The following FASN variants were observed in gnomAD, a reference collection of about 807,000 sequenced individuals.
FASN encodes fatty acid synthase.
FASN carries 50 observed loss-of-function variants against 250.0 expected under a neutral mutation model. The observed-to-expected ratio is 0.20, with a 90% CI of 0.16 to 0.25. FASN has a LOEUF of 0.25. Ranked by LOEUF, FASN falls within the 10% of genes least tolerant of loss-of-function variation. The pLI, the probability that FASN is intolerant of heterozygous loss-of-function variation, is 1.00. For synonymous variants in FASN, 1,909 were observed against 1,584.0 expected (o/e 1.21, Z -4.87); for missense variants, 3,031 against 3,498.5 (o/e 0.87, Z 3.37).
chr17:82,092,706 T>G lies in FASN; in HGVS notation c.885A>C (p.Thr295=). 6.3e-7 allele frequency: 1 copy of G among 1,593,172 alleles called. No individual in the cohort carries two copies. ...ESFEYIEAHG[T]GTKVGDPQEL... ...GGGGGGGGGGCATCACCTTGGTGCC[T>G]GTGCCGTGGGCTTCGATGTATTCAA... Residue 295 remains threonine, a synonymous_variant, in exon 7 of 43, where the codon ACA becomes ACC. Transcript: ENST00000306749.
chr17:82,095,185 C>T, intron 3 of FASN, 135 bp downstream of exon 3: 1 of 1,127,052 alleles, frequency 8.9e-7, no homozygotes, highest in South Asian at 1.2e-5. Context: ...AGCCCGTTGG[C>T]CAGGCCAGGG....
In FASN at chr17:82,095,486, G is replaced by A. The variant is rs199663056; in HGVS notation, c.128-14C>T. 32 of 1,611,074 alleles carry A rather than the reference G, an allele frequency of 2.0e-5. No homozygotes were observed. Among genetic ancestry groups the A allele is most frequent in the South Asian group, 4.4e-5 (4 of 91,008 alleles). ...GGCCGTAGAGCCCTGTGGGACAGGC[G>A]GGTGTTTAAATCTCTGACGGAAGCT... is the stretch of plus-strand genomic sequence containing the variant. On this transcript the variant is annotated splice_polypyrimidine_tract_variant and intron_variant, in intron 2 of 42. Transcript: ENST00000306749.
Position 82,080,942 on chromosome 17 carries a change from T to C in FASN, c.6596-20A>G, listed in dbSNP as rs374109677. 9 of 1,585,494 alleles carry C rather than the reference T, an allele frequency of 5.7e-6. No individual in the cohort carries two copies. The highest frequency in any genetic ancestry group is 6.9e-6 in the Non-Finnish European group (8 of 1,165,666). On this transcript the variant is annotated intron_variant, in intron 38 of 42. Transcript: ENST00000306749. ...CCAGCTCTGTGAAGACAGGGGCAGATGCCAGGCTGGTCTGGGTGCAGAGCC... is the reference window on the plus strand; with the variant it reads ...CCAGCTCTGTGAAGACAGGGGCAGACGCCAGGCTGGTCTGGGTGCAGAGCC...
In FASN at chr17:82,098,148, G is replaced by A; in HGVS notation, c.-35C>T. On this transcript the variant is annotated 5_prime_UTR_variant, in exon 1 of 43. Coordinates refer to ENST00000306749, the MANE Select transcript of FASN (RefSeq NM_004104.5). ...GGTGAGGGCGCGGGCGGCGGTGCGG[G>A]CGGCGGAGAGCGAGGCTGGAGCGCG... is the stretch of plus-strand genomic sequence containing the variant. The A allele has an allele frequency of 2.8e-6, 1 of 354,324 alleles. No homozygotes were observed. Among genetic ancestry groups the A allele is most frequent in the Non-Finnish European group, 5.1e-6 (1 of 197,362 alleles). The allele number at this position is 354,324 out of a possible 1,614,324, so 21.9% of individuals were successfully genotyped here. A position where few individuals can be genotyped will look rare whatever the true frequency, so the allele number is the denominator to read the frequency against.
Position 82,092,461 on chromosome 17 carries a change from C to A in FASN, c.1023G>T (p.Leu341=). The A allele has an allele frequency of 6.4e-7, 1 of 1,573,304 alleles. No individual in the cohort carries two copies. Residue 341 remains leucine, a synonymous_variant, in exon 8 of 43, where the codon CTG becomes CTT. Coordinates refer to ENST00000306749, the MANE Select transcript of FASN (RefSeq NM_004104.5). ...CAAGCCCAGCCCCACCTACCTTGGC[C>A]AGGGCTGCCAGCCCCGAGGCTGGCT... ...HPEPASGLAA[L]AKVLLSLEHG...
At position 82,092,884 on chromosome 17, in the gene FASN, C is replaced by T. The variant is rs200103350; in HGVS notation, c.778+13G>A. On this transcript the variant is annotated intron_variant, in intron 6 of 42. Transcript: ENST00000306749. Reference sequence around the variant, plus strand: ...CCTGCCCCCCAGCACCCCGGAACCCCGGCAGAGCCCACCTTGCTCCTTGAA... The same window carrying T: ...CCTGCCCCCCAGCACCCCGGAACCCTGGCAGAGCCCACCTTGCTCCTTGAA... 1,265 of 1,596,186 alleles carry T rather than the reference C, an allele frequency of 7.9e-4. 13 individuals are homozygous for T. In the African/African-American group the frequency reaches 0.015, roughly 19 times the overall value.
chr17:82,090,768 G>A, intron 10 of FASN, 114 bp downstream of exon 10: 1 of 1,262,706 alleles, frequency 7.9e-7, no homozygotes, highest in Non-Finnish European at 1.1e-6. Flanking sequence ...ACAAGGCTCT[G>A]CCTAGCAAAG....
Position 82,079,554 on chromosome 17 carries a change from C to T in FASN, c.7201G>A (p.Val2401Met), listed in dbSNP as rs1024570958. 6.2e-6 allele frequency: 10 copies of T among 1,607,214 alleles called. No individual in the cohort carries two copies. The Middle Eastern group carries it at 5.0e-4, about 80-fold the overall frequency. The change falls in exon 42 of 43, where the codon GTG becomes ATG. Residue 2401 changes from valine (V) to methionine (M), a missense_variant. Physicochemically the swap from Val to Met is conservative, Grantham distance 21 (BLOSUM62 1). Transcript: ENST00000306749. ...KGLEERVAAA[V>M]DLIIKSHQGL... Reference sequence around the variant, plus strand: ...TGGTGGCTCTTGATGATCAGGTCCACGGCGGCTGCCACACGCTCCTCTAGG... The same window carrying T: ...TGGTGGCTCTTGATGATCAGGTCCATGGCGGCTGCCACACGCTCCTCTAGG...
chr17:82,091,977 AGATGTT>A (rs1484765869), intron 8 of FASN, among the ~76,000 whole-genome samples: 1 of 152,170 alleles, frequency 6.6e-6, no homozygotes, highest in African/African-American at 2.4e-5. Context: ...CCCTTGGCCC[AGATGTT>A]GCATCTCAGA....
rs1485047233 is a variant in FASN, at chr17:82,082,642, T to C, written c.5804A>G (p.Gln1935Arg). ...GGTGGACACCTGCACCTGTACGCCC[T>C]GGCGCCTCCACCGGCGGACCTGCTT... is the stretch of plus-strand genomic sequence containing the variant. ...QAKQVRRWRR[Q>R]GVQVQVSTSN... The change falls in exon 34 of 43, where the codon CAG becomes CGG. Residue 1935 changes from glutamine (Q) to arginine (R), a missense_variant. By Grantham distance (43) the Gln-to-Arg change is conservative. Transcript: ENST00000306749. 1.2e-6 allele frequency: 2 copies of C among 1,610,674 alleles called. No homozygotes were observed. Among genetic ancestry groups the C allele is most frequent in the South Asian group, 2.2e-5 (2 of 91,084 alleles).
At position 82,084,920 on chromosome 17, in the gene FASN, G is replaced by A. The variant is rs371374591; in HGVS notation, c.4443C>T (p.Ser1481=). 38 of 1,553,440 alleles carry A rather than the reference G, an allele frequency of 2.4e-5. No homozygotes were observed. The African/African-American group carries it at 4.1e-4, about 17-fold the overall frequency. ...AGCCCGGGTCCACCTCCGGGACGTG[G>A]GAGGTGCTGCTGAGGTTGGAGAGCA... ...CVLLSNLSST[S]HVPEVDPGSA... Residue 1481 remains serine (S), a synonymous_variant, in exon 26 of 43, where the codon TCC becomes TCT. Coordinates refer to ENST00000306749, the MANE Select transcript of FASN (RefSeq NM_004104.5).
rs753648795 is a variant in FASN, at chr17:82,084,064, G to A, written c.5009C>T (p.Thr1670Met). Residue 1670 changes from threonine to methionine, a missense_variant, in exon 29 of 43, where the codon ACG becomes ATG. Transcript: ENST00000306749. Reference sequence around the variant, plus strand: ...GCCCGAGCCCGAGTGGATGAGCAGCGTCTCCCCGGGGCGCACCCGCCCACG... The same window carrying A: ...GCCCGAGCCCGAGTGGATGAGCAGCATCTCCCCGGGGCGCACCCGCCCACG... The part of the protein sequence containing the change: ...VVRGRVRPGE[T>M]LLIHSGSGGV... The A allele has an allele frequency of 3.4e-5, 52 of 1,549,438 alleles. 1 individual carries two copies. The highest frequency in any genetic ancestry group is 3.1e-4 in the South Asian group (26 of 84,350).
At position 82,080,912 on chromosome 17, in the gene FASN, G is replaced by T; in HGVS notation, c.6606C>A (p.Cys2202Ter). The change falls in exon 39 of 43, where the codon TGC (cysteine) becomes TGA (stop). Residue 2202 changes from cysteine (C) to a stop codon, truncating the protein, a stop_gained. Transcript: ENST00000306749. LOFTEE classifies it high-confidence loss of function. ...CCAGACCATCCTCCTTGGGCGTGGG[G>T]CATGCCAGCTCTGTGAAGACAGGGG... is the stretch of plus-strand genomic sequence containing the variant. ...SKADEASELA[C>*]PTPKEDGLAQ... 1 of 1,607,842 alleles carries T rather than the reference G, an allele frequency of 6.2e-7. No individual in the cohort carries two copies.
intron 1 of FASN, among the ~76,000 whole-genome samples, chr17:82,097,755 CTCGGCTCCGGG>C (rs2034329340): frequency 1.3e-5 from 2 of 152,130 alleles, no homozygotes; most frequent in African/African-American, 2.4e-5. Flanking sequence ...CGGGCTGGGC[CTCGGCTCCGGG>C]GCGGCTCCGG....
rs145687504 is a variant in FASN at position 82,083,835 on chromosome 17, T to C, written c.5155A>G (p.Ser1719Gly). The change falls in exon 30 of 43, where the codon AGC becomes GGC. Residue 1719 changes from serine to glycine, a missense_variant. By Grantham distance (56) the Ser-to-Gly change is moderately conservative. Coordinates refer to ENST00000306749, the MANE Select transcript of FASN (RefSeq NM_004104.5). ...GATGTGTCCCGGGAGTTGGCGAAGC[T>C]GGTGCTGTCGAGCTGGGGGAACCTG... ...QARFPQLDST[S>G]FANSRDTSFE... 349 of 1,603,022 alleles carry C rather than the reference T, an allele frequency of 2.2e-4. 1 individual carries two copies. The African/African-American group carries it at 3.9e-3, about 18-fold the overall frequency.
chr17:82,092,055 G>C (rs376125555), intron 8 of FASN, among the ~76,000 whole-genome samples: 1 of 152,194 alleles, frequency 6.6e-6, no homozygotes, highest in Non-Finnish European at 1.5e-5. Flanking sequence ...TCCTGTGCCT[G>C]GTCTCTCTAA....
intron 1 of FASN, 62 bp from the exon 2 acceptor site, chr17:82,096,514 T>G: frequency 6.2e-7 from 1 of 1,600,066 alleles, no homozygotes; most frequent in Non-Finnish European, 8.5e-7. Context: ...GTCAACAGCC[T>G]CGGCACCCAG....
rs2034117947 is a variant in FASN at position 82,087,097 on chromosome 17, C to T, written c.3380G>A (p.Cys1127Tyr). ...FCFTPHTEEG[C>Y]LSERAALQEE... ...CTGCAGGGCAGCGCGCTCAGACAGGCACCCCTCCTCCGTGTGGGGAGTGAA... is the reference window on the plus strand; with the variant it reads ...CTGCAGGGCAGCGCGCTCAGACAGGTACCCCTCCTCCGTGTGGGGAGTGAA... Residue 1127 changes from cysteine to tyrosine, a missense_variant, in exon 21 of 43, where the codon TGC becomes TAC. Cys to Tyr is a radical substitution (Grantham distance 194). Transcript: ENST00000306749. 1 of 1,611,760 alleles carries T rather than the reference C, an allele frequency of 6.2e-7. No homozygotes were observed.
rs1291376477 is a variant in FASN, at chr17:82,080,508, G to A, written c.6909C>T (p.Arg2303=). Residue 2303 remains arginine (R), a synonymous_variant, in exon 40 of 43, where the codon CGC becomes CGT. Transcript: ENST00000306749. The part of the protein sequence containing the change: ...IRQVQPEGPY[R]VAGYSYGACV... ...AGGCCCCGTAGGAGTAGCCGGCCACGCGGTAGGGGCCCTCGGGCTGCACCT... is the reference window on the plus strand; with the variant it reads ...AGGCCCCGTAGGAGTAGCCGGCCACACGGTAGGGGCCCTCGGGCTGCACCT... The A allele has an allele frequency of 1.9e-6, 3 of 1,563,970 alleles. No individual in the cohort carries two copies. Among genetic ancestry groups the A allele is most frequent in the Non-Finnish European group, 2.6e-6 (3 of 1,155,394 alleles).
Sources: allele counts gnomAD v4.1 joint callset (sites outside exome capture counted in the v4.1 genomes callset), GRCh38; gene constraint gnomAD v4.1.1; transcripts MANE v1.5; gene names NCBI Gene and HGNC (gene_info 2026-07-23, HGNC 2026-07-21).